Variants in RNF150 observed in about 807,000 individuals in gnomAD.
RNF150 encodes ring finger protein 150.
In RNF150, 24 loss-of-function variants were observed where a neutral mutation model predicts 39.3. That is an observed-to-expected ratio of 0.61 (90% CI 0.44 to 0.86). The LOEUF is 0.86. RNF150 is among the 40% of genes least tolerant of loss of function. The pLI is 0.00. For missense variants in RNF150, 502 were observed against 587.8 expected (o/e 0.85, Z 1.51); for synonymous variants, 255 against 227.3 (o/e 1.12, Z -1.10).
intron 1 of RNF150, 117 bp from the exon 2 acceptor site, chr4:140,967,990 T>A (rs532988855): frequency 1.1e-6 from 1 of 901,780 alleles, no homozygotes; most frequent in Non-Finnish European, 1.7e-6. Context: ...CTTTTGAGAA[T>A]TCTGTGCTGG....
chr4:141,121,225 G>T (rs888408436), intron 1 of RNF150, among the ~76,000 whole-genome samples: 4 of 152,172 alleles, frequency 2.6e-5, no homozygotes, highest in Non-Finnish European at 5.9e-5. Flanking sequence ...TCTCTGCCCA[G>T]CAGGACTTGC....
At chr4:141,178,180 G>A (rs1047973586) in intron 1 of RNF150, among the ~76,000 whole-genome samples, 1 of 152,054 alleles carries the variant, frequency 6.6e-6, no homozygotes, top group African/African-American at 2.4e-5. Context: ...AGGAGGATAA[G>A]GACTGAACCT....
intron 1 of RNF150, among the ~76,000 whole-genome samples, chr4:141,077,748 A>C (rs1737947774): frequency 6.6e-6 from 1 of 152,330 alleles, no homozygotes; most frequent in East Asian, 1.9e-4. Flanking sequence ...TTCTGACTAC[A>C]AACAAATCAG....
chr4:141,115,587 C>G (rs539940741), intron 1 of RNF150, among the ~76,000 whole-genome samples: 1 of 152,248 alleles, frequency 6.6e-6, no homozygotes, highest in Non-Finnish European at 1.5e-5. Flanking sequence ...TGATTCAAAG[C>G]TATCCCCATC....
At chr4:141,061,235 G>T (rs568104964) in intron 1 of RNF150, among the ~76,000 whole-genome samples, 1 of 151,922 alleles carries the variant, frequency 6.6e-6, no homozygotes, top group East Asian at 1.9e-4. Flanking sequence ...ATGTACATTC[G>T]CAGAAGATTC....
rs1348072251 is a variant in RNF150, at chr4:141,210,327, G to A, written c.-6+2467C>T. Among the ~76,000 whole-genome samples the A allele has an allele frequency of 2.0e-5, 3 of 152,182 alleles. No individual in the cohort carries two copies. In the East Asian group the frequency reaches 5.8e-4, roughly 29 times the overall value. Reference sequence around the variant, plus strand: ...ATCCGGGACCACTTTAGTTACCTTCGGGGTTTCAGGTTAGAACCTGAACCA... The same window carrying A: ...ATCCGGGACCACTTTAGTTACCTTCAGGGTTTCAGGTTAGAACCTGAACCA... On this transcript the variant is annotated intron_variant, in intron 1 of 7. Transcript: ENST00000420921.
At position 140,897,311 on chromosome 4, in the gene RNF150, C is replaced by T. The variant is rs573483624; in HGVS notation, c.1198+13833G>A. On this transcript the variant is annotated intron_variant, in intron 6 of 6. Transcript: ENST00000515673. Reference sequence around the variant, plus strand: ...GCATTGTCTTGGGTTCTGTTTTCCTCGGGCAGGCACTCTGGGGTTGCTGGG... The same window carrying T: ...GCATTGTCTTGGGTTCTGTTTTCCTTGGGCAGGCACTCTGGGGTTGCTGGG... Among the ~76,000 whole-genome samples the T allele has an allele frequency of 7.2e-5, 11 of 152,292 alleles. No individual in the cohort carries two copies. In the East Asian group the frequency reaches 1.3e-3, roughly 19 times the overall value.
chr4:140,993,991 T>C (rs2111485132), intron 1 of RNF150, among the ~76,000 whole-genome samples: 1 of 152,214 alleles, frequency 6.6e-6, no homozygotes. Flanking sequence ...ACAGTGATAA[T>C]TTGCCACCTA....
At chr4:141,161,995 A>C (rs963657305) in intron 1 of RNF150, among the ~76,000 whole-genome samples, 48 of 152,334 alleles carry the variant, frequency 3.2e-4, no homozygotes, top group African/African-American at 8.9e-4. Flanking sequence ...TGGAGCCCCA[A>C]CACAGAGTCC....
At chr4:141,168,081 T>C (rs977699883) in intron 1 of RNF150, among the ~76,000 whole-genome samples, 1 of 152,118 alleles carries the variant, frequency 6.6e-6, no homozygotes, top group Non-Finnish European at 1.5e-5. Flanking sequence ...TATGAGGAAC[T>C]TAAAAAAATT....
intron 1 of RNF150, among the ~76,000 whole-genome samples, chr4:141,012,495 T>C (rs1298182986): frequency 2.0e-5 from 3 of 152,182 alleles, no homozygotes; most frequent in Non-Finnish European, 2.9e-5. Flanking sequence ...AACACATACA[T>C]ATATATTAAA....
chr4:141,041,812 T>C (rs903070803), intron 1 of RNF150, among the ~76,000 whole-genome samples: 11 of 152,204 alleles, frequency 7.2e-5, no homozygotes, highest in Middle Eastern at 3.4e-3. Context: ...AAAAGTAATA[T>C]ATGGGATCAA....
At position 141,170,756 on chromosome 4, in the gene RNF150, T is replaced by C. The variant is rs576567774; in HGVS notation, c.-6+42038A>G. Among the ~76,000 whole-genome samples the C allele has an allele frequency of 5.3e-5, 8 of 152,302 alleles. No individual in the cohort carries two copies. In the South Asian group the frequency reaches 1.4e-3, roughly 28 times the overall value. On this transcript the variant is annotated intron_variant, in intron 1 of 7. Transcript: ENST00000420921. ...AGAAATGACCACAGAAAGCAAATGG[T>C]AAATCACCTCATATGTCAACTAGCT...
At chr4:140,942,702 C>T (rs145572749) in intron 4 of RNF150, among the ~76,000 whole-genome samples, 1 of 152,294 alleles carries the variant, frequency 6.6e-6, no homozygotes, top group East Asian at 1.9e-4. Context: ...ATTCAAAACG[C>T]TCCAGTGAGC....
chr4:141,155,676 T>C (rs941810771), intron 1 of RNF150, among the ~76,000 whole-genome samples: 7 of 152,118 alleles, frequency 4.6e-5, no homozygotes, highest in African/African-American at 1.7e-4. Context: ...TTTAAATGCA[T>C]CAAAATTTGG....
intron 1 of RNF150, among the ~76,000 whole-genome samples, chr4:141,143,668 T>G (rs1400433549): frequency 5.3e-5 from 8 of 152,212 alleles, no homozygotes; most frequent in African/African-American, 1.9e-4. Flanking sequence ...GCCCCTGCCT[T>G]TTCTTCAGTC....
At chr4:141,112,582 G>A (rs1427724089) in intron 1 of RNF150, among the ~76,000 whole-genome samples, 2 of 152,184 alleles carry the variant, frequency 1.3e-5, no homozygotes, top group Non-Finnish European at 2.9e-5. Context: ...TAGGGTTTCT[G>A]CAGAGAGAGC....
In RNF150 at chr4:141,104,461, T is replaced by C. The variant is rs78784285; in HGVS notation, c.484+27864A>G. On this transcript the variant is annotated intron_variant, in intron 1 of 6. Coordinates refer to ENST00000515673, the MANE Select transcript of RNF150 (RefSeq NM_020724.2). ...AGAAGAATGAAAGGCTCTCATTCTT[T>C]GAGGAGGAAAGGAGTCAATTAAAAT... Among the ~76,000 whole-genome samples the C allele has an allele frequency of 1.7e-3, 265 of 152,264 alleles. 1 individual carries two copies. The highest frequency in any genetic ancestry group is 6.1e-3 in the African/African-American group (254 of 41,548).
At chr4:140,967,147 G>C (rs920358048) in intron 2 of RNF150, among the ~76,000 whole-genome samples, 3 of 152,108 alleles carry the variant, frequency 2.0e-5, no homozygotes, top group Non-Finnish European at 4.4e-5. Context: ...AAGAGGAACT[G>C]GGTAGCTGAG....
Sources: allele counts gnomAD v4.1 joint callset (sites outside exome capture counted in the v4.1 genomes callset), GRCh38; gene constraint gnomAD v4.1.1; transcripts MANE v1.5; gene names NCBI Gene and HGNC (gene_info 2026-07-23, HGNC 2026-07-21).